GPALPP1: variants seen among roughly 807,000 people sequenced by gnomAD.
GPALPP1 encodes GPALPP motifs-containing protein 1.
GPALPP1 carries 30 observed loss-of-function variants against 38.9 expected under a neutral mutation model. That is an observed-to-expected ratio of 0.77 (90% CI 0.58 to 1.05). GPALPP1 has a LOEUF of 1.05. Among genes scored for constraint, GPALPP1 ranks in the 50% least tolerant of loss-of-function variants. The probability of loss-of-function intolerance (pLI) is 0.00; values close to 1 mark genes in which losing one functional copy is unlikely to be tolerated. For missense variants in GPALPP1, 384 were observed against 408.8 expected, an observed-to-expected ratio of 0.94 and a Z score of 0.52; for synonymous variants, 120 against 139.2, an observed-to-expected ratio of 0.86 and a Z score of 0.97.
chr13:45,011,101 G>C (rs1274862174), intron 4 of GPALPP1, among the ~76,000 whole-genome samples: 1 of 152,222 alleles, frequency 6.6e-6, no homozygotes, highest in East Asian at 1.9e-4. Context: ...GTTCCAGAGA[G>C]AGCAGATGGT....
chr13:45,024,160 T>TGTGTGTGTGTGTGC lies in GPALPP1; in HGVS notation c.805-3612_805-3611insCGTGTGTGTGTGTG, dbSNP rs1593407215. ...TCCCCTAAAACTCTGTGTGTGTGTG[T>TGTGTGTGTGTGTGC]GTGTGTGTGTGTGTGTGTGTGTGTG... On this transcript the variant is annotated intron_variant, in intron 7 of 7. Coordinates refer to ENST00000379151, the MANE Select transcript of GPALPP1 (RefSeq NM_018559.5). Among the ~76,000 whole-genome samples the TGTGTGTGTGTGTGC allele has an allele frequency of 9.4e-3, 125 of 13,326 alleles. 6 individuals are homozygous for TGTGTGTGTGTGTGC. The highest frequency in any genetic ancestry group is 0.09 in the East Asian group (9 of 100). The allele number at this position is 13,326 out of a possible 152,430, so 8.7% of individuals were successfully genotyped here. A position where few individuals can be genotyped will look rare whatever the true frequency, so the allele number is the denominator to read the frequency against.
intron 1 of GPALPP1, among the ~76,000 whole-genome samples, chr13:45,003,154 A>G (rs547025218): frequency 6.6e-6 from 1 of 152,324 alleles, no homozygotes; most frequent in Admixed American, 6.5e-5. Context: ...TCACAGCCCC[A>G]CTACTTAGTT....
intron 7 of GPALPP1, among the ~76,000 whole-genome samples, chr13:45,027,249 T>C (rs1372808407): frequency 6.6e-6 from 1 of 152,088 alleles, no homozygotes; most frequent in Non-Finnish European, 1.5e-5. Context: ...TGCTCAGACT[T>C]TGTCTTACTA....
Position 45,015,036 on chromosome 13 carries a change from GA to G in GPALPP1, c.499del (p.Arg167GlyfsTer5). The G allele has an allele frequency of 6.2e-7, 1 of 1,608,028 alleles. No individual in the cohort carries two copies. Among genetic ancestry groups the G allele is most frequent in the Non-Finnish European group, 8.5e-7 (1 of 1,176,110 alleles). ...TAACTATAATGTAACGACAGAGTTT[GA>G]AAAAAGGGCCCAGAGAATGAAAGAA... The part of the protein sequence containing the change: ...PVNYNVTTEF[E>X]KRAQRMKEKL... On this transcript the variant is annotated frameshift_variant, in exon 5 of 8. Transcript: ENST00000379151. LOFTEE classifies it high-confidence loss of function.
chr13:45,027,956 G>A lies in GPALPP1; in HGVS notation c.976G>A (p.Glu326Lys), dbSNP rs753349879. ...QKKALIKKSRELNTRFSHGKG... is the reference protein window; with the variant it reads ...QKKALIKKSRKLNTRFSHGKG... ...AAAAGCCCTAATAAAAAAATCTAGA[G>A]AACTAAACACCAGATTTTCACACGG... Residue 326 changes from glutamate to lysine, a missense_variant, in exon 8 of 8, where the codon GAA becomes AAA. Coordinates refer to ENST00000379151, the MANE Select transcript of GPALPP1 (RefSeq NM_018559.5). The A allele has an allele frequency of 6.2e-7, 1 of 1,610,836 alleles. No individual in the cohort carries two copies. The highest frequency in any genetic ancestry group is 8.5e-7 in the Non-Finnish European group (1 of 1,177,334).
Position 45,003,964 on chromosome 13 carries a change from T to G in GPALPP1, c.89-341T>G, listed in dbSNP as rs146735849. On this transcript the variant is annotated intron_variant, in intron 1 of 7. Coordinates refer to ENST00000379151, the MANE Select transcript of GPALPP1 (RefSeq NM_018559.5). The stretch of plus-strand genomic sequence containing the variant: ...TTTTTTTTTGTTTGTTTGTTTGTTT[T>G]TTTGTTTTTTTTGGCAGGTGCACCA... 2.7e-3 allele frequency among the ~76,000 whole-genome samples: 418 copies of G among 152,238 alleles called. 3 individuals carry two copies. Among genetic ancestry groups the G allele is most frequent in the African/African-American group, 8.7e-3 (360 of 41,534 alleles).
At chr13:45,032,072 T>C (rs1267572499), downstream of GPALPP1, 1 of 152,218 alleles carries the variant, frequency 6.6e-6, no homozygotes, top group African/African-American at 2.4e-5. Context: ...TCATCTCCAA[T>C]AGATTTAGAT....
chr13:44,999,862 G>A (rs1248744515), intron 1 of GPALPP1, among the ~76,000 whole-genome samples: 3 of 152,146 alleles, frequency 2.0e-5, no homozygotes, highest in African/African-American at 7.2e-5. Context: ...ACAAGCATGA[G>A]CCACTGCGCC....
At chr13:45,004,926 G>T (rs944704350) in intron 2 of GPALPP1, among the ~76,000 whole-genome samples, 1 of 151,696 alleles carries the variant, frequency 6.6e-6, no homozygotes, top group Non-Finnish European at 1.5e-5. Flanking sequence ...AAAGTGCTGG[G>T]ATTACAAGCA....
intron 2 of GPALPP1, among the ~76,000 whole-genome samples, chr13:45,004,869 TG>T (rs753205091): frequency 6.6e-6 from 1 of 151,940 alleles, no homozygotes; most frequent in East Asian, 1.9e-4. Context: ...TTGCCCAGGC[TG>T]GTCTCAAACT....
chr13:45,027,360 T>C (rs1354546345), intron 7 of GPALPP1, among the ~76,000 whole-genome samples: 1 of 152,192 alleles, frequency 6.6e-6, no homozygotes, highest in Non-Finnish European at 1.5e-5. Context: ...GGAACAAAAA[T>C]TATCTTAGCT....
chr13:45,013,984 T>C (rs1345683774), intron 4 of GPALPP1, among the ~76,000 whole-genome samples: 1 of 152,198 alleles, frequency 6.6e-6, no homozygotes, highest in Non-Finnish European at 1.5e-5. Context: ...TTGGCCTAAT[T>C]TTCTGTTTGC....
At chr13:45,001,314 C>G (rs1318649506) in intron 1 of GPALPP1, among the ~76,000 whole-genome samples, 1 of 152,160 alleles carries the variant, frequency 6.6e-6, no homozygotes, top group Non-Finnish European at 1.5e-5. Flanking sequence ...AACTGTGGCT[C>G]AATTAAACCT....
chr13:45,026,493 T>A (rs1476979770), intron 7 of GPALPP1, among the ~76,000 whole-genome samples: 1 of 152,224 alleles, frequency 6.6e-6, no homozygotes, highest in Non-Finnish European at 1.5e-5. Flanking sequence ...AATTCTGATC[T>A]AGGTGCCATT....
Position 45,029,295 on chromosome 13 carries a change from T to G in GPALPP1, c.*1292T>G, listed in dbSNP as rs757028373. The G allele has an allele frequency of 1.3e-5, 2 of 152,242 alleles. No homozygotes were observed. The highest frequency in any genetic ancestry group is 2.9e-5 in the Non-Finnish European group (2 of 68,038). 9.4% of individuals were successfully genotyped at this position (152,242 alleles called of 1,614,324 possible). ...AAGAATACTCTTTGTCCATCTTTAT[T>G]TCTTTGTTTTTGGCTTCTTAAGATT... On this transcript the variant is annotated 3_prime_UTR_variant, in exon 8 of 8. Transcript: ENST00000379151.
chr13:44,990,768 A>G (rs1231450678), intron 1 of GPALPP1, among the ~76,000 whole-genome samples: 1 of 152,122 alleles, frequency 6.6e-6, no homozygotes, highest in African/African-American at 2.4e-5. Context: ...CCTTTCCAAT[A>G]TAATTTCTGT....
At chr13:44,998,643 T>C (rs1488327472) in intron 1 of GPALPP1, among the ~76,000 whole-genome samples, 1 of 152,236 alleles carries the variant, frequency 6.6e-6, no homozygotes, top group Non-Finnish European at 1.5e-5. Context: ...TTTGCCCAGC[T>C]AACTCAGGTC....
Position 44,989,634 on chromosome 13 carries a change from G to C in GPALPP1, c.-21G>C. On this transcript the variant is annotated 5_prime_UTR_variant, in exon 1 of 8. Transcript: ENST00000379151. ...CGTTCGTGGATAGACTCATATCTGT[G>C]ACCAGTGTCCGCCACCGCGGATGGC... 1 of 1,601,976 alleles carries C rather than the reference G, an allele frequency of 6.2e-7. No individual in the cohort carries two copies. The highest frequency in any genetic ancestry group is 1.1e-5 in the South Asian group (1 of 90,742).
Position 45,023,397 on chromosome 13 carries a change from T to G in GPALPP1, c.804+2969T>G, listed in dbSNP as rs186523526. On this transcript the variant is annotated intron_variant, in intron 7 of 7. Transcript: ENST00000379151. ...ATTGTTTGGATTGATTGTATAATAA[T>G]AGTCCAGTGATTTAATGTATTCCTC... Among the ~76,000 whole-genome samples the G allele has an allele frequency of 3.4e-3, 520 of 152,384 alleles. 5 individuals carry two copies. Among genetic ancestry groups the G allele is most frequent in the Admixed American group, 0.031 (469 of 15,304 alleles).
Sources: gnomAD v4.1 joint callset for allele counts (sites outside exome capture counted in the v4.1 genomes callset) on GRCh38, gnomAD v4.1.1 for gene constraint, MANE v1.5 for transcripts, NCBI Gene and HGNC (gene_info 2026-07-23, HGNC 2026-07-21) for gene names.